The following SPMAP2L variants were observed in gnomAD, a reference collection of about 807,000 sequenced individuals.
SPMAP2L encodes the protein sperm microtubule associated protein 2 like.
At chr4:56,531,313 G>C in the SPMAP2L span, 2 of 1,214,176 alleles carry the variant, frequency 1.6e-6, no homozygotes, top group South Asian at 1.7e-5. Context: ...AAAAGAACTC[G>C]TGTCATTTAC....
At chr4:56,611,686 A>G in the SPMAP2L span, among the ~76,000 whole-genome samples, 1,339 of 152,306 alleles carry the variant, frequency 8.8e-3, 16 homozygotes, top group South Asian at 0.05. Context: ...CAACTATGCC[A>G]GGAAGCTAAA....
At chr4:56,600,097 C>CTTTTTTTTTTTTTTTT in the SPMAP2L span, among the ~76,000 whole-genome samples, 21 of 87,802 alleles carry the variant, frequency 2.4e-4, 2 homozygotes, top group African/African-American at 9.6e-4. Flanking sequence ...TCTTTGCTTT[C>CTTTTTTTTTTTTTTTT]TTTTTTTTTT....
the SPMAP2L span, among the ~76,000 whole-genome samples, chr4:56,616,461 G>A: frequency 6.6e-6 from 1 of 152,060 alleles, no homozygotes; most frequent in Non-Finnish European, 1.5e-5. Flanking sequence ...CTGCTTGCTG[G>A]GCATGTGGAC....
At chr4:56,603,417 C>T in the SPMAP2L span, 1 of 850,280 alleles carries the variant, frequency 1.2e-6, no homozygotes. Flanking sequence ...AGTTTACATT[C>T]ACCCCTTGCT....
At chr4:56,595,105 T>C in the SPMAP2L span, 10 of 1,611,478 alleles carry the variant, frequency 6.2e-6, no homozygotes, top group Non-Finnish European at 2.5e-6. Flanking sequence ...TTCCTGGGCT[T>C]ATATCAAGAT....
At chr4:56,569,411 A>AT in the SPMAP2L span, among the ~76,000 whole-genome samples, 1 of 151,710 alleles carries the variant, frequency 6.6e-6, no homozygotes, top group African/African-American at 2.4e-5. Context: ...GATGTTGAAC[A>AT]TTTTTTCATT....
chr4:56,549,320 G>C, the SPMAP2L span, among the ~76,000 whole-genome samples: 2 of 152,030 alleles, frequency 1.3e-5, no homozygotes, highest in Non-Finnish European at 2.9e-5. Flanking sequence ...TTTTTTACTT[G>C]TTTGCTAGGT....
chr4:56,617,059 A>G, the SPMAP2L span, among the ~76,000 whole-genome samples: 5 of 152,170 alleles, frequency 3.3e-5, no homozygotes, highest in African/African-American at 1.2e-4. Flanking sequence ...TGTATACATC[A>G]TGTGTCACTT....
chr4:56,623,631 GC>G, the SPMAP2L span, among the ~76,000 whole-genome samples: 1 of 152,126 alleles, frequency 6.6e-6, no homozygotes, highest in Non-Finnish European at 1.5e-5. Context: ...AATCATGGGG[GC>G]TGGTCTTTCC....
the SPMAP2L span, among the ~76,000 whole-genome samples, chr4:56,598,148 C>A: frequency 6.6e-6 from 1 of 152,174 alleles, no homozygotes; most frequent in Non-Finnish European, 1.5e-5. Context: ...TAGGTGTGAG[C>A]CATCATGGCT....
At chr4:56,532,219 C>G in the SPMAP2L span, among the ~76,000 whole-genome samples, 6 of 152,118 alleles carry the variant, frequency 3.9e-5, no homozygotes, top group African/African-American at 7.2e-5. Flanking sequence ...TTGACCCCCC[C>G]ACCCAGCTGA....
chr4:56,545,718 CA>C, the SPMAP2L span, among the ~76,000 whole-genome samples: 658 of 94,118 alleles, frequency 7.0e-3, 2 homozygotes, highest in South Asian at 0.028. Context: ...GACCCTGTCT[CA>C]AAAAAAAAAA....
the SPMAP2L span, among the ~76,000 whole-genome samples, chr4:56,622,581 G>C: frequency 1.1e-4 from 17 of 152,138 alleles, no homozygotes; most frequent in Non-Finnish European, 2.2e-4. Flanking sequence ...GTATCTTGTT[G>C]ATCAGCAATA....
the SPMAP2L span, among the ~76,000 whole-genome samples, chr4:56,564,862 G>A: frequency 1.3e-4 from 20 of 151,916 alleles, 1 homozygote; most frequent in Admixed American, 9.2e-4. Flanking sequence ...TGATATTTGT[G>A]CCTTAATTTT....
the SPMAP2L span, among the ~76,000 whole-genome samples, chr4:56,533,676 G>A: frequency 2.6e-5 from 4 of 151,948 alleles, no homozygotes; most frequent in South Asian, 2.1e-4. Flanking sequence ...GACCGGATGC[G>A]GTGCCTCAAA....
the SPMAP2L span, among the ~76,000 whole-genome samples, chr4:56,590,752 G>A: frequency 6.6e-6 from 1 of 152,200 alleles, no homozygotes; most frequent in African/African-American, 2.4e-5. Flanking sequence ...ATAAGTACAT[G>A]ATTATTTTAA....
At chr4:56,574,875 G>A in the SPMAP2L span, among the ~76,000 whole-genome samples, 42 of 152,066 alleles carry the variant, frequency 2.8e-4, no homozygotes, top group African/African-American at 8.4e-4. Flanking sequence ...CCAGCTACTC[G>A]GGAGGCTGAG....
the SPMAP2L span, among the ~76,000 whole-genome samples, chr4:56,545,636 G>A: frequency 9.9e-4 from 146 of 148,132 alleles, 1 homozygote; most frequent in African/African-American, 3.3e-3. Context: ...CACGAGAATC[G>A]CTTGAACTGG....
chr4:56,584,851 G>A, the SPMAP2L span, among the ~76,000 whole-genome samples: 1 of 152,210 alleles, frequency 6.6e-6, no homozygotes, highest in Non-Finnish European at 1.5e-5. Context: ...GCAACTGTGG[G>A]AACTGGTGGA....
Sources: allele counts gnomAD v4.1 joint callset (sites outside exome capture counted in the v4.1 genomes callset), GRCh38; gene constraint gnomAD v4.1.1; transcripts MANE v1.5; gene names NCBI Gene and HGNC (gene_info 2026-07-23, HGNC 2026-07-21).